The following UBE2B variants were observed in gnomAD, a reference collection of about 807,000 sequenced individuals.
UBE2B encodes ubiquitin-conjugating enzyme E2 B.
UBE2B carries 11 observed loss-of-function variants against 24.6 expected under a neutral mutation model. That is an observed-to-expected ratio of 0.45 (90% CI 0.28 to 0.74). UBE2B has a LOEUF of 0.74. Ranked by LOEUF, UBE2B falls within the 30% of genes least tolerant of loss-of-function variation. The probability of loss-of-function intolerance (pLI) is 0.13; values close to 1 mark genes in which losing one functional copy is unlikely to be tolerated. For synonymous variants in UBE2B, 68 were observed against 62.4 expected, an observed-to-expected ratio of 1.09 and a Z score of -0.42; for missense variants, 78 against 185.6, an observed-to-expected ratio of 0.42 and a Z score of 3.37.
At chr5:134,388,278 G>A (rs1758838967) in intron 4 of UBE2B, 47 bp from the exon 5 acceptor site, 1 of 1,495,478 alleles carries the variant, frequency 6.7e-7, no homozygotes, top group African/African-American at 1.4e-5. Flanking sequence ...TCTCTTAACT[G>A]TTAGATATGG....
intron 4 of UBE2B, 58 bp downstream of exon 4, chr5:134,380,866 C>T (rs2149691910): frequency 1.7e-6 from 2 of 1,172,368 alleles, no homozygotes; most frequent in Middle Eastern, 2.0e-4. Context: ...TGTTTCCCTC[C>T]TTTTAGCTCT....
intron 1 of UBE2B, among the ~76,000 whole-genome samples, chr5:134,372,320 C>G (rs1311607570): frequency 6.6e-6 from 1 of 152,188 alleles, no homozygotes; most frequent in South Asian, 2.1e-4. Flanking sequence ...TCTATAGCCT[C>G]CCGAGTCTGG....
chr5:134,390,227 T>C lies in UBE2B; in HGVS notation c.333T>C (p.Ser111=). 1 of 1,614,120 alleles carries C rather than the reference T, an allele frequency of 6.2e-7. No individual in the cohort carries two copies. Among genetic ancestry groups the C allele is most frequent in the Non-Finnish European group, 8.5e-7 (1 of 1,180,020 alleles). Residue 111 remains serine (S), a splice_region_variant and synonymous_variant, in exon 6 of 6, where the codon TCT becomes TCC. Coordinates refer to ENST00000265339, the MANE Select transcript of UBE2B (RefSeq NM_003337.4). The surrounding 1 kb of genome is among the most constrained non-coding windows in gnomAD (Gnocchi z 4.6). ...DVSSILTSIQ[S]LLDEPNPNSP... is the part of the protein sequence containing the mutation. ...TTTTTTCTTTTCTTTCCTCCTAGTC[T>C]CTGCTGGATGAACCGAATCCTAACA...
At chr5:134,386,892 G>A (rs1758813744) in intron 4 of UBE2B, among the ~76,000 whole-genome samples, 1 of 151,638 alleles carries the variant, frequency 6.6e-6, no homozygotes, top group African/African-American at 2.4e-5. Context: ...TTGCTTATAT[G>A]AATGTATCAG....
intron 3 of UBE2B, among the ~76,000 whole-genome samples, chr5:134,377,860 C>G (rs1401575797): frequency 6.6e-6 from 1 of 152,290 alleles, no homozygotes; most frequent in African/African-American, 2.4e-5. Flanking sequence ...GACAGTGGCA[C>G]CAAACCATAC....
intron 4 of UBE2B, 49 bp downstream of exon 4, chr5:134,380,857 G>T (rs773121050): frequency 1.5e-5 from 18 of 1,237,124 alleles, no homozygotes; most frequent in African/African-American, 6.1e-5. Context: ...GAAAAGAGTT[G>T]TTTCCCTCCT....
At chr5:134,380,549 G>A (rs1370544435) in intron 3 of UBE2B, among the ~76,000 whole-genome samples, 170 bp from the exon 4 acceptor site, 1 of 152,142 alleles carries the variant, frequency 6.6e-6, no homozygotes, top group Non-Finnish European at 1.5e-5. Flanking sequence ...AATGCTGCGT[G>A]TTACCATTCT....
intron 4 of UBE2B, among the ~76,000 whole-genome samples, chr5:134,387,072 G>A (rs1217370365): frequency 6.6e-6 from 1 of 151,398 alleles, no homozygotes; most frequent in Non-Finnish European, 1.5e-5. Context: ...CAATTCTTCT[G>A]CCTCAGCCTC....
In UBE2B at chr5:134,392,039, A is replaced by G. The variant is rs1431205879; in HGVS notation, c.*1686A>G. ...TTAGGGAACTTTGATACAAATGGGA[A>G]TTCACTCACTGGAATCGTGGCTCCC... On this transcript the variant is annotated 3_prime_UTR_variant, in exon 6 of 6. Transcript: ENST00000265339. 1 of 152,178 alleles carries G rather than the reference A, an allele frequency of 6.6e-6. No individual in the cohort carries two copies. Among genetic ancestry groups the G allele is most frequent in the Non-Finnish European group, 1.5e-5 (1 of 68,030 alleles). The allele number at this position is 152,178 out of a possible 1,614,324, so 9.4% of individuals were successfully genotyped here.
At chr5:134,378,460 A>G (rs1435334141) in intron 3 of UBE2B, among the ~76,000 whole-genome samples, 3 of 152,094 alleles carry the variant, frequency 2.0e-5, no homozygotes, top group Non-Finnish European at 2.9e-5. Context: ...GGGTTTCACC[A>G]TGTTGGCCAG....
chr5:134,375,119 G>A (rs7702406), intron 2 of UBE2B, among the ~76,000 whole-genome samples: 20,462 of 152,006 alleles, frequency 0.13, 1,650 homozygotes, highest in African/African-American at 0.21. Context: ...AACATATCAC[G>A]CAAATGCTCT....
chr5:134,390,198 T>C lies in UBE2B; in HGVS notation c.331-27T>C. On this transcript the variant is annotated intron_variant, in intron 5 of 5. Coordinates refer to ENST00000265339, the MANE Select transcript of UBE2B (RefSeq NM_003337.4). The surrounding 1 kb of genome is among the most constrained non-coding windows in gnomAD (Gnocchi z 4.6). ...TTGGTATAAAGAACAACTATGCAAATCTGTTTTTTCTTTTCTTTCCTCCTA... is the reference window on the plus strand; with the variant it reads ...TTGGTATAAAGAACAACTATGCAAACCTGTTTTTTCTTTTCTTTCCTCCTA... 6.2e-7 allele frequency: 1 copy of C among 1,613,432 alleles called. No individual in the cohort carries two copies. Among genetic ancestry groups the C allele is most frequent in the South Asian group, 1.1e-5 (1 of 91,064 alleles).
At chr5:134,383,225 T>C (rs931282639) in intron 4 of UBE2B, among the ~76,000 whole-genome samples, 1 of 152,234 alleles carries the variant, frequency 6.6e-6, no homozygotes, top group African/African-American at 2.4e-5. Flanking sequence ...CATAGATTTA[T>C]CATATTTTTA....
chr5:134,390,378 TTCA>T lies in UBE2B; in HGVS notation c.*30_*32del. On this transcript the variant is annotated 3_prime_UTR_variant, in exon 6 of 6. Coordinates refer to ENST00000265339, the MANE Select transcript of UBE2B (RefSeq NM_003337.4). The surrounding 1 kb of genome is among the most constrained non-coding windows in gnomAD (Gnocchi z 4.6). ...ATAGACAACTGGTCTGTTAATCTTT[TTCA>T]TCATTGTTGTGTATAATTTACCTCT... 6.2e-7 allele frequency: 1 copy of T among 1,613,414 alleles called. No individual in the cohort carries two copies. The highest frequency in any genetic ancestry group is 2.2e-5 in the East Asian group (1 of 44,840).
intron 2 of UBE2B, 114 bp from the exon 3 acceptor site, chr5:134,376,555 A>G: frequency 8.7e-7 from 1 of 1,147,414 alleles, no homozygotes; most frequent in Non-Finnish European, 1.3e-6. Context: ...AAAACTCCAC[A>G]AATCATCAGA....
rs36000707 is a variant in UBE2B, at chr5:134,390,178, A to G, written c.331-47A>G. 5.7e-4 allele frequency: 912 copies of G among 1,611,112 alleles called. 3 individuals carry two copies. The African/African-American group carries it at 8.2e-3, about 15-fold the overall frequency. ...TATTCCATATCTGACCCCTGTTGGT[A>G]TAAAGAACAACTATGCAAATCTGTT... On this transcript the variant is annotated intron_variant, in intron 5 of 5. Transcript: ENST00000265339. This position sits in a 1 kb window ranked among gnomAD's most constrained non-coding sequence, Gnocchi z 4.6.
intron 2 of UBE2B, among the ~76,000 whole-genome samples, chr5:134,376,334 A>ATATATAT (rs1561679532): frequency 1.6e-3 from 7 of 4,260 alleles, no homozygotes; most frequent in South Asian, 6.6e-3. Flanking sequence ...AAAAAAAAAA[A>ATATATAT]AAAAAAAAAA....
At chr5:134,374,001 G>C (rs1758550865) in intron 1 of UBE2B, among the ~76,000 whole-genome samples, 1 of 152,190 alleles carries the variant, frequency 6.6e-6, no homozygotes, top group Non-Finnish European at 1.5e-5. Context: ...TATATACCCA[G>C]TAATGGGATG....
intron 4 of UBE2B, among the ~76,000 whole-genome samples, chr5:134,384,504 G>T (rs1445373007): frequency 6.6e-6 from 1 of 152,056 alleles, no homozygotes; most frequent in Non-Finnish European, 1.5e-5. Flanking sequence ...TGATAAGGGG[G>T]TCTTTAAATA....
Sources: allele counts gnomAD v4.1 joint callset (sites outside exome capture counted in the v4.1 genomes callset), GRCh38; gene constraint gnomAD v4.1.1; non-coding constraint Gnocchi (gnomAD v3.1); transcripts MANE v1.5; gene names NCBI Gene and HGNC (gene_info 2026-07-23, HGNC 2026-07-21).